TPP2: variants seen among roughly 807,000 people sequenced by gnomAD.
TPP2 encodes tripeptidyl-peptidase 2.
TPP2 carries 34 observed loss-of-function variants against 155.9 expected under a neutral mutation model. The ratio of observed to expected loss-of-function variants is 0.22; its 90% CI spans 0.17 to 0.29. TPP2 has a LOEUF of 0.29. TPP2 is among the 10% of genes least tolerant of loss of function. The probability of loss-of-function intolerance (pLI) is 1.00; values close to 1 mark genes in which losing one functional copy is unlikely to be tolerated. For missense variants in TPP2, 1,028 were observed against 1,522.3 expected (o/e 0.68, Z 5.40); for synonymous variants, 510 against 529.4 (o/e 0.96, Z 0.50).
chr13:102,642,443 A>C (rs1281523580), intron 16 of TPP2, among the ~76,000 whole-genome samples: 1 of 152,124 alleles, frequency 6.6e-6, no homozygotes. Context: ...TTTTTTAAAT[A>C]AAAATTATCA....
At chr13:102,612,464 A>G (rs906504846) in intron 2 of TPP2, among the ~76,000 whole-genome samples, 1 of 152,242 alleles carries the variant, frequency 6.6e-6, no homozygotes, top group African/African-American at 2.4e-5. Context: ...TATTAGAACC[A>G]TTTTTAAGAT....
chr13:102,608,831 T>C (rs1299182621), intron 2 of TPP2, among the ~76,000 whole-genome samples: 1 of 152,154 alleles, frequency 6.6e-6, no homozygotes, highest in African/African-American at 2.4e-5. Context: ...CTCTGCTTTT[T>C]ATGTTAGATA....
intron 1 of TPP2, among the ~76,000 whole-genome samples, chr13:102,598,131 A>T (rs955998075): frequency 2.0e-5 from 3 of 152,200 alleles, no homozygotes; most frequent in African/African-American, 4.8e-5. Flanking sequence ...CATTCTGTTT[A>T]AAGTCTTTAA....
At chr13:102,642,593 A>G (rs1033679113) in intron 16 of TPP2, among the ~76,000 whole-genome samples, 9 of 152,268 alleles carry the variant, frequency 5.9e-5, no homozygotes, top group Non-Finnish European at 1.3e-4. Flanking sequence ...ACCTGGTTTT[A>G]TGAGCCACGG....
intron 24 of TPP2, among the ~76,000 whole-genome samples, chr13:102,655,609 A>G (rs375027659): frequency 2.0e-4 from 30 of 152,322 alleles, no homozygotes; most frequent in South Asian, 6.2e-4. Flanking sequence ...AAATAAATAC[A>G]GTTACTCTCC....
intron 16 of TPP2, among the ~76,000 whole-genome samples, chr13:102,641,945 A>G (rs1170859235): frequency 6.6e-6 from 1 of 152,198 alleles, no homozygotes; most frequent in Non-Finnish European, 1.5e-5. Context: ...CCTTGAGAGC[A>G]TCTAGTCCAA....
chr13:102,674,621 G>A (rs1001691179), intron 28 of TPP2, 131 bp downstream of exon 28: 1 of 845,330 alleles, frequency 1.2e-6, no homozygotes, highest in Non-Finnish European at 1.8e-6. Flanking sequence ...AATATGACAT[G>A]TTTAGCCTAG....
At chr13:102,648,654 C>G (rs902901546) in intron 21 of TPP2, among the ~76,000 whole-genome samples, 2 of 151,960 alleles carry the variant, frequency 1.3e-5, no homozygotes, top group African/African-American at 4.8e-5. Context: ...TGAAGTCAGA[C>G]CTGACTTCAG....
intron 2 of TPP2, among the ~76,000 whole-genome samples, 175 bp downstream of exon 2, chr13:102,605,096 G>C (rs560673799): frequency 4.0e-5 from 6 of 151,272 alleles, no homozygotes; most frequent in Non-Finnish European, 7.4e-5. Flanking sequence ...GTTTCTGTGA[G>C]TCAGGAATCT....
chr13:102,642,693 C>T (rs1375034497), intron 16 of TPP2, among the ~76,000 whole-genome samples: 1 of 152,142 alleles, frequency 6.6e-6, no homozygotes, highest in Non-Finnish European at 1.5e-5. Flanking sequence ...TGGCTTACCT[C>T]CAGCGCTGGC....
chr13:102,673,144 G>A (rs560758265), intron 27 of TPP2, among the ~76,000 whole-genome samples: 171 of 152,248 alleles, frequency 1.1e-3, no homozygotes, highest in Non-Finnish European at 2.2e-3. Flanking sequence ...GGTACTTAGC[G>A]TTCATGTTCC....
intron 10 of TPP2, chr13:102,631,370 A>G (rs1410943817): frequency 6.6e-6 from 1 of 152,246 alleles, no homozygotes; most frequent in Admixed American, 6.5e-5. Flanking sequence ...CACATGGATC[A>G]GAAAGCTTTG....
At chr13:102,669,064 C>G (rs1289854831) in intron 27 of TPP2, among the ~76,000 whole-genome samples, 1 of 152,222 alleles carries the variant, frequency 6.6e-6, no homozygotes, top group East Asian at 1.9e-4. Context: ...CCAGTGTTAA[C>G]AATTCAGTTG....
chr13:102,640,734 T>G (rs768765507), intron 16 of TPP2, among the ~76,000 whole-genome samples: 6 of 129,314 alleles, frequency 4.6e-5, no homozygotes, highest in Non-Finnish European at 9.4e-5. Context: ...CACTGCAACC[T>G]CCACCTCCCC....
Position 102,679,113 on chromosome 13 carries a change from T to C in TPP2, c.*797T>C, listed in dbSNP as rs1196248528. 1 of 152,606 alleles carries C rather than the reference T, an allele frequency of 6.6e-6. No homozygotes were observed. The highest frequency in any genetic ancestry group is 1.5e-5 in the Non-Finnish European group (1 of 68,026). The allele number at this position is 152,606 out of a possible 1,614,324, so 9.5% of individuals were successfully genotyped here. A position where few individuals can be genotyped will look rare whatever the true frequency, so the allele number is the denominator to read the frequency against. On this transcript the variant is annotated 3_prime_UTR_variant, in exon 30 of 30. Transcript: ENST00000376052. ...AAAACCAAGATCACAGTACACCATA[T>C]GCACTCTGGTACCTTAATTTTTTTT...
chr13:102,642,828 G>C (rs767412019), intron 16 of TPP2, among the ~76,000 whole-genome samples: 5 of 152,260 alleles, frequency 3.3e-5, no homozygotes, highest in African/African-American at 1.2e-4. Flanking sequence ...AACAAATAGA[G>C]GTTTCCAAAA....
chr13:102,659,495 A>C (rs749156171), intron 25 of TPP2, among the ~76,000 whole-genome samples: 11 of 152,222 alleles, frequency 7.2e-5, no homozygotes, highest in African/African-American at 1.7e-4. Flanking sequence ...CTTACAAGGA[A>C]ATGCTAGTAA....
chr13:102,653,417 C>G (rs1056599678), intron 24 of TPP2, among the ~76,000 whole-genome samples: 3 of 151,994 alleles, frequency 2.0e-5, no homozygotes, highest in African/African-American at 4.8e-5. Flanking sequence ...TTTTAAGAGA[C>G]AGTCTCACTC....
At chr13:102,659,288 A>G (rs1001499356) in intron 25 of TPP2, among the ~76,000 whole-genome samples, 5 of 152,222 alleles carry the variant, frequency 3.3e-5, no homozygotes, top group African/African-American at 1.2e-4. Flanking sequence ...ACAGAGAGAA[A>G]GCAAAAATAT....
Sources: gnomAD v4.1 joint callset for allele counts (sites outside exome capture counted in the v4.1 genomes callset) on GRCh38, gnomAD v4.1.1 for gene constraint, MANE v1.5 for transcripts, NCBI Gene and HGNC (gene_info 2026-07-23, HGNC 2026-07-21) for gene names.